PCDHA10: variants seen among roughly 807,000 people sequenced by gnomAD.
The protein encoded by PCDHA10 is protocadherin alpha-10.
A neutral mutation model predicts 61.2 loss-of-function variants in PCDHA10; 45 were observed. That is an observed-to-expected ratio of 0.74 (90% CI 0.58 to 0.94). The LOEUF (loss-of-function observed/expected upper bound fraction) is 0.94. Among genes scored for constraint, PCDHA10 ranks in the 40% least tolerant of loss-of-function variants. The probability of loss-of-function intolerance (pLI) is 0.00; values close to 1 mark genes in which losing one functional copy is unlikely to be tolerated. For synonymous variants in PCDHA10, 602 were observed against 548.8 expected (o/e 1.10, Z -1.35); for missense variants, 1,278 against 1,236.2 (o/e 1.03, Z -0.51).
chr5:140,951,503 A>G (rs1554219922), intron 1 of PCDHA10, among the ~76,000 whole-genome samples: 1 of 151,992 alleles, frequency 6.6e-6, no homozygotes, highest in African/African-American at 2.4e-5. Flanking sequence ...AGGCAAAAGG[A>G]AAGCGGCTCA....
intron 1 of PCDHA10, among the ~76,000 whole-genome samples, chr5:140,931,837 G>A (rs1422066331): frequency 6.6e-6 from 1 of 151,798 alleles, no homozygotes; most frequent in Non-Finnish European, 1.5e-5. Flanking sequence ...TATCCTGAAT[G>A]CCTTAATAAC....
At chr5:140,993,795 C>T (rs1301191394) in intron 3 of PCDHA10, among the ~76,000 whole-genome samples, 2 of 152,128 alleles carry the variant, frequency 1.3e-5, no homozygotes, top group African/African-American at 2.4e-5. Flanking sequence ...ACATGCTGTG[C>T]AGGTTTGTAG....
chr5:140,894,886 G>T (rs2153448289), intron 1 of PCDHA10, among the ~76,000 whole-genome samples: 1 of 152,202 alleles, frequency 6.6e-6, no homozygotes, highest in South Asian at 2.1e-4. Flanking sequence ...AGAAGAAACA[G>T]ACCAGGATAA....
chr5:140,995,893 A>G (rs1038677586), intron 3 of PCDHA10, among the ~76,000 whole-genome samples: 3 of 152,182 alleles, frequency 2.0e-5, no homozygotes, highest in Non-Finnish European at 4.4e-5. Flanking sequence ...AGATTTATCA[A>G]TGTATAAAAG....
rs17844361 is a variant in PCDHA10, at chr5:140,927,747, C to T, written c.2389-51202C>T. ...AAGCAGAGCTGCGACACCGCTTTCA[C>T]GTGCACCCTAAAAGTGGGGAGGTGC... On this transcript the variant is annotated intron_variant, in intron 1 of 3. Coordinates refer to ENST00000307360, the MANE Select transcript of PCDHA10 (RefSeq NM_018901.4). 465 of 1,614,224 alleles carry T rather than the reference C, an allele frequency of 2.9e-4. No homozygotes were observed. In the East Asian group the frequency reaches 8.6e-3, roughly 30 times the overall value.
At chr5:140,971,369 T>C (rs1384716266) in intron 1 of PCDHA10, among the ~76,000 whole-genome samples, 1 of 152,094 alleles carries the variant, frequency 6.6e-6, no homozygotes, top group Non-Finnish European at 1.5e-5. Context: ...GCCAGGAGAG[T>C]GCATGACTTT....
At chr5:140,967,409 C>T (rs1451311967) in intron 1 of PCDHA10, 9 of 1,613,130 alleles carry the variant, frequency 5.6e-6, no homozygotes, top group Non-Finnish European at 7.6e-6. Flanking sequence ...GCGTAAGGGC[C>T]TAGACCGGGA....
At chr5:140,994,125 C>T (rs1007264886) in intron 3 of PCDHA10, among the ~76,000 whole-genome samples, 6 of 152,044 alleles carry the variant, frequency 3.9e-5, no homozygotes, top group African/African-American at 9.7e-5. Flanking sequence ...GTGATAAGGG[C>T]GACAATAATG....
chr5:140,945,322 T>C (rs1311724084), intron 1 of PCDHA10, among the ~76,000 whole-genome samples: 9 of 152,096 alleles, frequency 5.9e-5, no homozygotes, highest in Admixed American at 5.2e-4. Context: ...AATGGAAATA[T>C]ATTTTATGTT....
intron 1 of PCDHA10, chr5:140,928,467 A>G (rs782319281): frequency 6.2e-7 from 1 of 1,614,142 alleles, no homozygotes; most frequent in South Asian, 1.1e-5. Flanking sequence ...ATTTCCAAGT[A>G]GAAGGCCGGG....
At chr5:140,890,707 T>A (rs1217575075) in intron 1 of PCDHA10, among the ~76,000 whole-genome samples, 1 of 152,206 alleles carries the variant, frequency 6.6e-6, no homozygotes, top group African/African-American at 2.4e-5. Context: ...CTTACATTTT[T>A]AAAATCTTTT....
In PCDHA10 at chr5:140,858,313, G is replaced by A. The variant is rs781800844; in HGVS notation, c.2265G>A (p.Arg755=). The part of the protein sequence containing the change: ...SWSYSQQRRQ[R]VCSGEGLPKA... ...CTTACTCGCAGCAGAGGCGGCAGAG[G>A]GTGTGTTCTGGGGAGGGCCTGCCCA... Residue 755 remains arginine (R), a synonymous_variant, in exon 1 of 4, where the codon AGG becomes AGA. Coordinates refer to ENST00000307360, the MANE Select transcript of PCDHA10 (RefSeq NM_018901.4). The A allele has an allele frequency of 6.3e-7, 1 of 1,597,108 alleles. No homozygotes were observed. Among genetic ancestry groups the A allele is most frequent in the Non-Finnish European group, 8.6e-7 (1 of 1,166,996 alleles).
chr5:140,924,931 T>C (rs1414085243), intron 1 of PCDHA10, among the ~76,000 whole-genome samples: 1 of 125,890 alleles, frequency 7.9e-6, no homozygotes, highest in Admixed American at 8.0e-5. Context: ...TAAAATAAAA[T>C]AAAATAAAAA....
intron 1 of PCDHA10, chr5:140,862,942 G>C (rs75462656): frequency 5.5e-6 from 3 of 542,062 alleles, no homozygotes; most frequent in Admixed American, 3.9e-5. Flanking sequence ...CTGTGAGTGA[G>C]CTGGTGCGGT....
rs781883995 is a variant in PCDHA10, at chr5:140,876,273, C to A, written c.2388+17837C>A. Reference sequence around the variant, plus strand: ...CAAGAGTGATCCAACTAAATGCTTCCGATCCAGACGAAGGACTTAATGGAG... The same window carrying A: ...CAAGAGTGATCCAACTAAATGCTTCAGATCCAGACGAAGGACTTAATGGAG... On this transcript the variant is annotated intron_variant, in intron 1 of 3. Coordinates refer to ENST00000307360, the MANE Select transcript of PCDHA10 (RefSeq NM_018901.4). 6.8e-6 allele frequency: 11 copies of A among 1,613,984 alleles called. No individual in the cohort carries two copies. The South Asian group carries it at 1.2e-4, about 18-fold the overall frequency.
intron 1 of PCDHA10, chr5:140,868,381 A>C (rs1554161945): frequency 2.0e-5 from 3 of 152,316 alleles, no homozygotes; most frequent in Non-Finnish European, 4.4e-5. Flanking sequence ...GTAAAGAATG[A>C]GAACTATAGA....
intron 1 of PCDHA10, chr5:140,861,363 G>A: frequency 2.8e-6 from 1 of 354,256 alleles, no homozygotes; most frequent in Non-Finnish European, 5.8e-6. Flanking sequence ...TAGCGTCTTC[G>A]CGGTCCCTAT....
At chr5:140,898,573 T>C (rs1161265188) in intron 1 of PCDHA10, among the ~76,000 whole-genome samples, 3 of 152,250 alleles carry the variant, frequency 2.0e-5, no homozygotes, top group Non-Finnish European at 4.4e-5. Flanking sequence ...ACCAGTGCCA[T>C]GCTGTTTTGG....
intron 1 of PCDHA10, among the ~76,000 whole-genome samples, chr5:140,948,015 C>CCTTTT (rs71276332): frequency 0.56 from 84,575 of 150,344 alleles, 24,313 homozygotes; most frequent in African/African-American, 0.69. Context: ...TAGGAAGTAC[C>CCTTTT]CTTTCTGGTT....
Sources: gnomAD v4.1 joint callset for allele counts (sites outside exome capture counted in the v4.1 genomes callset) on GRCh38, gnomAD v4.1.1 for gene constraint, MANE v1.5 for transcripts, NCBI Gene and HGNC (gene_info 2026-07-23, HGNC 2026-07-21) for gene names.